Variants in NCF4 observed in about 807,000 individuals in gnomAD.
NCF4 encodes neutrophil cytosol factor 4.
NCF4 carries 30 observed loss-of-function variants against 41.7 expected under a neutral mutation model. The observed-to-expected ratio is 0.72, with a 90% confidence interval of 0.54 to 0.97. The LOEUF is 0.97. Among genes scored for constraint, NCF4 ranks in the 50% least tolerant of loss-of-function variants. The probability of loss-of-function intolerance (pLI) is 0.00; values close to 1 mark genes in which losing one functional copy is unlikely to be tolerated. For synonymous variants in NCF4, 195 were observed against 175.8 expected (o/e 1.11, Z -0.87); for missense variants, 432 against 460.9 (o/e 0.94, Z 0.57).
At chr22:36,872,292 C>T (rs746439425) in intron 6 of NCF4, 35 bp from the exon 7 acceptor site, 4 of 1,453,850 alleles carry the variant, frequency 2.8e-6, no homozygotes, top group Admixed American at 1.7e-5. Flanking sequence ...AGTGAGTGTT[C>T]TCTCCTTCCC....
chr22:36,862,592 T>G (rs751825814), intron 1 of NCF4, among the ~76,000 whole-genome samples: 2 of 152,186 alleles, frequency 1.3e-5, no homozygotes, highest in African/African-American at 4.8e-5. Flanking sequence ...CCCTTTCAGC[T>G]GCCTTAGCCC....
intron 1 of NCF4, among the ~76,000 whole-genome samples, chr22:36,862,187 A>G (rs1939789798): frequency 6.6e-6 from 1 of 152,216 alleles, no homozygotes; most frequent in Admixed American, 6.5e-5. Flanking sequence ...GACCTCTGTT[A>G]CCTACGTGGA....
Position 36,867,403 on chromosome 22 carries a change from G to A in NCF4, c.283G>A (p.Val95Met), listed in dbSNP as rs112273712. 13 of 1,614,076 alleles carry A rather than the reference G, an allele frequency of 8.1e-6. No individual in the cohort carries two copies. Among genetic ancestry groups the A allele is most frequent in the South Asian group, 4.4e-5 (4 of 91,094 alleles). The change falls in exon 4 of 10, where the codon GTG becomes ATG. Residue 95 changes from valine to methionine, a missense_variant. Physicochemically the swap from Val to Met is conservative, Grantham distance 21. Coordinates refer to ENST00000248899, the MANE Select transcript of NCF4 (RefSeq NM_000631.5). ...TLPTLPAKVY[V>M]GVKQEIAEMR... ...TTGTCTCTTCTCAGCCAAAGTCTACGTGGGTGTGAAACAGGAGATCGCCGA... is the reference window on the plus strand; with the variant it reads ...TTGTCTCTTCTCAGCCAAAGTCTACATGGGTGTGAAACAGGAGATCGCCGA...
At chr22:36,867,519 A>G in intron 4 of NCF4, 57 bp downstream of exon 4, 1 of 1,573,608 alleles carries the variant, frequency 6.4e-7, no homozygotes, top group Middle Eastern at 1.7e-4. Context: ...TTGGTGGGGG[A>G]GCCCACGTAC....
At position 36,876,102 on chromosome 22, in the gene NCF4, G is replaced by C. The variant is rs769313306; in HGVS notation, c.824+8G>C. 1 of 1,602,378 alleles carries C rather than the reference G, an allele frequency of 6.2e-7. No individual in the cohort carries two copies. Among genetic ancestry groups the C allele is most frequent in the Non-Finnish European group, 8.5e-7 (1 of 1,173,194 alleles). ...CCTGCTGGAGCTCACAAGGTGAGGG[G>C]CTGGGAATGGGGCTGGGGAGTTAGA... On this transcript the variant is annotated splice_region_variant and intron_variant, in intron 9 of 9. Transcript: ENST00000248899.
At chr22:36,867,609 C>T (rs1374481220) in intron 4 of NCF4, 147 bp downstream of exon 4, 1 of 862,676 alleles carries the variant, frequency 1.2e-6, no homozygotes, top group African/African-American at 1.7e-5. Context: ...AAGGCCTGGT[C>T]TGGGGAGTAA....
rs748376366 is a variant in NCF4, at chr22:36,865,068, C to A, written c.267C>A (p.Leu89=). Residue 89 remains leucine (L), a synonymous_variant, in exon 3 of 10, where the codon CTC becomes CTA. Coordinates refer to ENST00000248899, the MANE Select transcript of NCF4 (RefSeq NM_000631.5). This position sits in a 1 kb window ranked among gnomAD's most constrained non-coding sequence, Gnocchi z 4.3. The part of the protein sequence containing the change: ...SSALACTLPT[L]PAKVYVGVKQ... ...CCCTGGCCTGTACCCTGCCCACACT[C>A]CCAGGTAGGCGGCCACTCCCGTCCT... is the stretch of plus-strand genomic sequence containing the variant. 10 of 1,610,294 alleles carry A rather than the reference C, an allele frequency of 6.2e-6. No homozygotes were observed. The highest frequency in any genetic ancestry group is 1.1e-5 in the South Asian group (1 of 91,072).
At chr22:36,869,301 T>C (rs35178938) in intron 4 of NCF4, among the ~76,000 whole-genome samples, 2,359 of 152,224 alleles carry the variant, frequency 0.015, 61 homozygotes, top group African/African-American at 0.053. Context: ...ATTCTGCATG[T>C]ATTTACTCAT....
At position 36,871,648 on chromosome 22, in the gene NCF4, A is replaced by T; in HGVS notation, c.471-4A>T. 3.8e-6 allele frequency: 6 copies of T among 1,565,162 alleles called. No homozygotes were observed. Among genetic ancestry groups the T allele is most frequent in the Non-Finnish European group, 5.2e-6 (6 of 1,153,918 alleles). Reference sequence around the variant, plus strand: ...GCTAACAAGCCCCTCTTCTCTCTCCACAGCAAGAGCGTGTCCCCACAGGGC... The same window carrying T: ...GCTAACAAGCCCCTCTTCTCTCTCCTCAGCAAGAGCGTGTCCCCACAGGGC... On this transcript the variant is annotated splice_polypyrimidine_tract_variant and splice_region_variant and intron_variant, in intron 5 of 9. Transcript: ENST00000248899.
Position 36,862,903 on chromosome 22 carries a change from G to A in NCF4, c.33-1142G>A, listed in dbSNP as rs1043527008. 5.9e-5 allele frequency among the ~76,000 whole-genome samples: 9 copies of A among 152,128 alleles called. No homozygotes were observed. The South Asian group carries it at 1.4e-3, about 24-fold the overall frequency. On this transcript the variant is annotated intron_variant, in intron 1 of 9. Transcript: ENST00000248899. ...AACCTGCCCTGGCTGCCCTCCAAGG[G>A]TTCTTCCAACCTCGGCCTCCCCCAG...
rs751005224 is a variant in NCF4, at chr22:36,877,735, G to A, written c.932G>A (p.Arg311His). 6.2e-6 allele frequency: 10 copies of A among 1,614,056 alleles called. No individual in the cohort carries two copies. Among genetic ancestry groups the A allele is most frequent in the South Asian group, 1.1e-5 (1 of 91,074 alleles). ...EDVALMVRQA[R>H]GLPSQKRLFP... The stretch of plus-strand genomic sequence containing the variant: ...GTAGCGCTCATGGTGCGGCAGGCTC[G>A]TGGCCTCCCCTCCCAGAAGCGCCTC... The change falls in exon 10 of 10, where the codon CGT (arginine) becomes CAT (histidine). Residue 311 changes from arginine to histidine, a missense_variant. Arg to His is a conservative substitution (Grantham distance 29). Coordinates refer to ENST00000248899, the MANE Select transcript of NCF4 (RefSeq NM_000631.5).
At chr22:36,876,300 T>C (rs1940193072) in intron 9 of NCF4, among the ~76,000 whole-genome samples, 1 of 152,106 alleles carries the variant, frequency 6.6e-6, no homozygotes, top group Non-Finnish European at 1.5e-5. Flanking sequence ...GGGAACTGGT[T>C]GAGCTCACGC....
At chr22:36,864,803 TC>T in intron 2 of NCF4, 115 bp from the exon 3 acceptor site, 1 of 1,305,304 alleles carries the variant, frequency 7.7e-7, no homozygotes, top group Non-Finnish European at 1.1e-6. Flanking sequence ...CAGAGACCCT[TC>T]TGCATCCTTA....
intron 4 of NCF4, among the ~76,000 whole-genome samples, chr22:36,868,048 G>C (rs1939969838): frequency 6.6e-6 from 1 of 152,228 alleles, no homozygotes; most frequent in African/African-American, 2.4e-5. Flanking sequence ...TCTATGAGAT[G>C]GGAGCGTAGA....
Position 36,865,105 on chromosome 22 carries a change from G to C in NCF4, c.271+33G>C. ...GCCACTCCCGTCCTGCTGCTGCAGA[G>C]CTGCTGACTCTCCTTCCTTCCAGGG... On this transcript the variant is annotated intron_variant, in intron 3 of 9. Coordinates refer to ENST00000248899, the MANE Select transcript of NCF4 (RefSeq NM_000631.5). This position sits in a 1 kb window ranked among gnomAD's most constrained non-coding sequence, Gnocchi z 4.3. The C allele has an allele frequency of 6.2e-7, 1 of 1,603,548 alleles. No individual in the cohort carries two copies. The highest frequency in any genetic ancestry group is 8.5e-7 in the Non-Finnish European group (1 of 1,179,704).
At chr22:36,868,926 C>A (rs1939991024) in intron 4 of NCF4, among the ~76,000 whole-genome samples, 1 of 152,150 alleles carries the variant, frequency 6.6e-6, no homozygotes, top group Non-Finnish European at 1.5e-5. Context: ...CATTGTTGGG[C>A]AGCTATGAGA....
Position 36,861,054 on chromosome 22 carries a change from A to C in NCF4, c.-118A>C, listed in dbSNP as rs2085989058. On this transcript the variant is annotated 5_prime_UTR_variant, in exon 1 of 10. Transcript: ENST00000248899. ...GCCTCCCCAAAGGCAGCTCCTGGGG[A>C]CTCCCAGGACCACAGGCTGAGACGA... The C allele has an allele frequency of 7.4e-7, 1 of 1,351,432 alleles. No homozygotes were observed. The highest frequency in any genetic ancestry group is 2.0e-5 in the Admixed American group (1 of 50,696). The allele number at this position is 1,351,432 out of a possible 1,614,324, so 83.7% of individuals were successfully genotyped here.
intron 6 of NCF4, chr22:36,871,999 A>T: frequency 1.6e-6 from 1 of 636,816 alleles, no homozygotes; most frequent in Non-Finnish European, 2.8e-6. Context: ...TGCCTTAGGC[A>T]TGGAAGCTGC....
At chr22:36,874,962 G>A (rs1210746306) in intron 7 of NCF4, among the ~76,000 whole-genome samples, 5 of 152,166 alleles carry the variant, frequency 3.3e-5, no homozygotes, top group East Asian at 1.9e-4. Context: ...TGTTCACAGC[G>A]CGCACAGCGT....
Sources: gnomAD v4.1 joint callset for allele counts (sites outside exome capture counted in the v4.1 genomes callset) on GRCh38, gnomAD v4.1.1 for gene constraint, Gnocchi (gnomAD v3.1) non-coding constraint, MANE v1.5 for transcripts, NCBI Gene and HGNC (gene_info 2026-07-23, HGNC 2026-07-21) for gene names.